The following ARHGAP33 variants were observed in gnomAD, a reference collection of about 807,000 sequenced individuals.
ARHGAP33 encodes the protein Rho GTPase activating protein 33, also known as rho GTPase-activating protein 33.
Under a neutral mutation model 126.2 loss-of-function variants are expected in ARHGAP33, and 57 were observed. That is an observed-to-expected ratio of 0.45 (90% CI 0.36 to 0.56). The LOEUF is 0.56. Among genes scored for constraint, ARHGAP33 ranks in the 20% least tolerant of loss-of-function variants. The pLI is 0.00. For synonymous variants in ARHGAP33, 711 were observed against 755.0 expected (o/e 0.94, Z 0.95); for missense variants, 1,500 against 1,748.3 (o/e 0.86, Z 2.53).
intron 15 of ARHGAP33, among the ~76,000 whole-genome samples, chr19:35,783,744 G>T (rs576177218): frequency 6.6e-6 from 1 of 152,242 alleles, no homozygotes; most frequent in South Asian, 2.1e-4. Flanking sequence ...TGCAGCCAGG[G>T]CAGGGCTCTG....
chr19:35,778,216 G>A (rs530975098), intron 3 of ARHGAP33, 64 bp from the exon 4 acceptor site: 22 of 1,561,704 alleles, frequency 1.4e-5, no homozygotes, highest in Non-Finnish European at 1.6e-5. Flanking sequence ...TCCCTAGATA[G>A]TGCCATCCCC....
In ARHGAP33 at chr19:35,786,938, C is replaced by A. The variant is rs1425922728; in HGVS notation, c.2468C>A (p.Thr823Lys). Residue 823 changes from threonine (T) to lysine (K), a missense_variant, in exon 20 of 21, where the codon ACA becomes AAA. By Grantham distance (78) the Thr-to-Lys change is moderately conservative. Around this residue, in one of 6 missense-constraint regions of ARHGAP33, gnomAD observed 642 missense variants for 634.0 expected, o/e 1.01. Coordinates refer to ENST00000007510, the MANE Select transcript of ARHGAP33 (RefSeq NM_001366178.1). This position sits in a 1 kb window ranked among gnomAD's most constrained non-coding sequence, Gnocchi z 7.0. ...GGAGCACCTGCCTCAGCCACCCCAA[C>A]ACCAGCTCTCAGCCCCGGCCGGAGC... ...AGGAPASATP[T>K]PALSPGRSLR... 6.2e-7 allele frequency: 1 copy of A among 1,610,980 alleles called. No individual in the cohort carries two copies. The highest frequency in any genetic ancestry group is 1.7e-5 in the Admixed American group (1 of 59,952).
Position 35,778,527 on chromosome 19 carries a change from C to T in ARHGAP33, c.334C>T (p.Arg112Trp), listed in dbSNP as rs1198375029. 7.4e-6 allele frequency: 12 copies of T among 1,614,204 alleles called. No individual in the cohort carries two copies. Among genetic ancestry groups the T allele is most frequent in the Non-Finnish European group, 1.0e-5 (12 of 1,180,038 alleles). ...TCGTTCCCTGGATGCCCACCTCCACCGGTGCATATTTGACCGGAGGTTCTC... is the reference window on the plus strand; with the variant it reads ...TCGTTCCCTGGATGCCCACCTCCACTGGTGCATATTTGACCGGAGGTTCTC... ...DFRSLDAHLH[R>W]CIFDRRFSCL... Residue 112 changes from arginine to tryptophan, a missense_variant, in exon 5 of 21, where the codon CGG becomes TGG. By Grantham distance (101) the Arg-to-Trp change is moderately radical. Coordinates refer to ENST00000007510, the MANE Select transcript of ARHGAP33 (RefSeq NM_001366178.1).
chr19:35,781,817 G>A (rs891646462), intron 12 of ARHGAP33, among the ~76,000 whole-genome samples: 2 of 152,188 alleles, frequency 1.3e-5, no homozygotes, highest in Non-Finnish European at 2.9e-5. Context: ...TTTACTATAA[G>A]TGAAGGGGGA....
At position 35,780,166 on chromosome 19, in the gene ARHGAP33, C is replaced by T. The variant is rs1775150392; in HGVS notation, c.502-45C>T. 1.9e-6 allele frequency: 3 copies of T among 1,604,192 alleles called. No homozygotes were observed. The African/African-American group carries it at 4.0e-5, about 21-fold the overall frequency. On this transcript the variant is annotated intron_variant, in intron 6 of 20. Coordinates refer to ENST00000007510, the MANE Select transcript of ARHGAP33 (RefSeq NM_001366178.1). ...GAGGAGCTTGGTATGCCTGCACTAA[C>T]ACCGTCTTCTGACCTGTCCTTGCCA...
At position 35,784,162 on chromosome 19, in the gene ARHGAP33, T is replaced by G. The variant is rs1410316168; in HGVS notation, c.1422-10T>G. ...AGGCACCCAGCCTCCCTCCCGCTCC[T>G]CCCACCCAGGTCCATGGAGCTGGAG... On this transcript the variant is annotated splice_polypyrimidine_tract_variant and intron_variant, in intron 15 of 20. Coordinates refer to ENST00000007510, the MANE Select transcript of ARHGAP33 (RefSeq NM_001366178.1). 3.1e-6 allele frequency: 5 copies of G among 1,606,670 alleles called. No individual in the cohort carries two copies. Among genetic ancestry groups the G allele is most frequent in the Non-Finnish European group, 4.3e-6 (5 of 1,175,680 alleles).
At chr19:35,775,923 C>A (rs1971430940) in intron 1 of ARHGAP33, among the ~76,000 whole-genome samples, 1 of 151,862 alleles carries the variant, frequency 6.6e-6, no homozygotes, top group Non-Finnish European at 1.5e-5. Flanking sequence ...CGGGGCTAGT[C>A]CAGGAAGGGA....
At position 35,784,569 on chromosome 19, in the gene ARHGAP33, T is replaced by C. The variant is rs1971991980; in HGVS notation, c.1567+252T>C. 25 of 1,311,354 alleles carry C rather than the reference T, an allele frequency of 1.9e-5. 1 individual carries two copies. Among genetic ancestry groups the C allele is most frequent in the Non-Finnish European group, 2.2e-5 (23 of 1,035,578 alleles). 81.2% of individuals were successfully genotyped at this position (1,311,354 alleles called of 1,614,324 possible). On this transcript the variant is annotated intron_variant, in intron 16 of 20. Transcript: ENST00000007510. ...CACCCCTTGTAGCTCCTGGGGGCGCTTGGGGCCATGGGTCCACCTGGGAGG... is the reference window on the plus strand; with the variant it reads ...CACCCCTTGTAGCTCCTGGGGGCGCCTGGGGCCATGGGTCCACCTGGGAGG...
chr19:35,786,883 C>T lies in ARHGAP33; in HGVS notation c.2413C>T (p.Pro805Ser), dbSNP rs1442001836. The change falls in exon 20 of 21, where the codon CCC becomes TCC. Residue 805 changes from proline to serine, a missense_variant. Around this residue, in one of 6 missense-constraint regions of ARHGAP33, gnomAD observed 73 missense variants for 110.8 expected, o/e 0.66. Transcript: ENST00000007510. The surrounding 1 kb of genome is among the most constrained non-coding windows in gnomAD (Gnocchi z 7.0). ...ISEPLAVSVP[P>S]AVLELLGAGG... is the part of the protein sequence containing the mutation. ...AGAGCCCCTGGCTGTATCAGTGCCA[C>T]CCGCTGTCCTAGAACTGCTGGGGGC... The T allele has an allele frequency of 6.2e-7, 1 of 1,607,926 alleles. No individual in the cohort carries two copies. Among genetic ancestry groups the T allele is most frequent in the Admixed American group, 1.7e-5 (1 of 59,778 alleles).
rs1332083468 is a variant in ARHGAP33 at position 35,782,711 on chromosome 19, G to A, written c.1313+32G>A. On this transcript the variant is annotated intron_variant, in intron 14 of 20. Transcript: ENST00000007510. The surrounding 1 kb of genome is among the most constrained non-coding windows in gnomAD (Gnocchi z 4.1). ...CAGGAGGGGCAGGGCGGGACTTGGT[G>A]GGATTCCAAGGGGGTTGAGGCTCAG... 3 of 1,610,124 alleles carry A rather than the reference G, an allele frequency of 1.9e-6. No individual in the cohort carries two copies. The highest frequency in any genetic ancestry group is 1.7e-5 in the Admixed American group (1 of 59,506).
rs899359175 is a variant in ARHGAP33 at position 35,780,438 on chromosome 19, G to C, written c.642G>C (p.Ser214=). Residue 214 remains serine (S), a synonymous_variant, in exon 8 of 21, where the codon TCG becomes TCC. Coordinates refer to ENST00000007510, the MANE Select transcript of ARHGAP33 (RefSeq NM_001366178.1). ...ELSFEVGDIV[S]VIDMPPTEDR... ...TCTCCCAGGTGGGAGACATTGTCTC[G>C]GTGATCGACATGCCACCCACAGAGG... The C allele has an allele frequency of 5.0e-6, 8 of 1,596,566 alleles. No homozygotes were observed. Among genetic ancestry groups the C allele is most frequent in the Admixed American group, 1.7e-5 (1 of 58,720 alleles).
At chr19:35,784,519 C>A in intron 16 of ARHGAP33, 1 of 1,318,976 alleles carries the variant, frequency 7.6e-7, no homozygotes, top group Non-Finnish European at 9.6e-7. Flanking sequence ...ATTCCCACCT[C>A]TTGGCCCGGA....
chr19:35,781,392 T>C, intron 12 of ARHGAP33, 140 bp downstream of exon 12: 1 of 817,072 alleles, frequency 1.2e-6, no homozygotes, highest in South Asian at 1.6e-5. Context: ...ACAGCTCTCT[T>C]GAGAGTAGAG....
At chr19:35,776,384 A>C (rs191012507) in intron 1 of ARHGAP33, among the ~76,000 whole-genome samples, 1 of 151,494 alleles carries the variant, frequency 6.6e-6, no homozygotes, top group East Asian at 2.0e-4. Flanking sequence ...GCAGACATTC[A>C]CTGAGACCGC....
At chr19:35,776,040 C>G (rs867677759) in intron 1 of ARHGAP33, among the ~76,000 whole-genome samples, 4 of 151,678 alleles carry the variant, frequency 2.6e-5, no homozygotes, top group African/African-American at 9.7e-5. Context: ...GCCCTCAGCC[C>G]TCCCCGGCGG....
At chr19:35,785,766 A>G in intron 19 of ARHGAP33, 8 of 1,264,956 alleles carry the variant, frequency 6.3e-6, no homozygotes, top group Non-Finnish European at 8.0e-6. Context: ...CCATGAACCC[A>G]GCAGCCAGAA....
intron 16 of ARHGAP33, chr19:35,784,744 G>A (rs1440816730): frequency 2.4e-5 from 32 of 1,339,950 alleles, no homozygotes; most frequent in Admixed American, 3.8e-5. Context: ...GCTGGCTGCC[G>A]GGAGCTGCCT....
In ARHGAP33 at chr19:35,785,476, C is replaced by G; in HGVS notation, c.1935C>G (p.Ser645Arg). Residue 645 changes from serine (S) to arginine (R), a missense_variant, in exon 19 of 21, where the codon AGC (serine) becomes AGG (arginine). Physicochemically the swap from Ser to Arg is moderately radical, Grantham distance 110. This residue lies in a region of ARHGAP33 where 300 missense variants were observed against 291.1 expected (regional missense o/e 1.03). Coordinates refer to ENST00000007510, the MANE Select transcript of ARHGAP33 (RefSeq NM_001366178.1). The part of the protein sequence containing the change: ...KSEESLSSQA[S>R]GAGLQRLHRL... Reference sequence around the variant, plus strand: ...AGGAGTCTCTGTCATCGCAGGCCAGCGGGGCTGGTGAGCAAGGCGGGCAAT... The same window carrying G: ...AGGAGTCTCTGTCATCGCAGGCCAGGGGGGCTGGTGAGCAAGGCGGGCAAT... 2 of 1,614,160 alleles carry G rather than the reference C, an allele frequency of 1.2e-6. No homozygotes were observed. The highest frequency in any genetic ancestry group is 1.7e-6 in the Non-Finnish European group (2 of 1,180,004).
chr19:35,786,058 T>A lies in ARHGAP33; in HGVS notation c.1943-355T>A. ...TCCGACCTCTGCGGGGGGCTGCTTA[T>A]CCACCCCACCCAGCCGTGCCTCTGG... On this transcript the variant is annotated intron_variant, in intron 19 of 20. Transcript: ENST00000007510. The surrounding 1 kb of genome is among the most constrained non-coding windows in gnomAD (Gnocchi z 7.0). 8.6e-7 allele frequency: 1 copy of A among 1,168,860 alleles called. No individual in the cohort carries two copies. Among genetic ancestry groups the A allele is most frequent in the African/African-American group, 1.6e-5 (1 of 63,102 alleles). The allele number at this position is 1,168,860 out of a possible 1,614,324, so 72.4% of individuals were successfully genotyped here. A position where few individuals can be genotyped will look rare whatever the true frequency, so the allele number is the denominator to read the frequency against.
Sources: allele counts gnomAD v4.1 joint callset (sites outside exome capture counted in the v4.1 genomes callset), GRCh38; gene constraint gnomAD v4.1.1; regional missense constraint gnomAD v4.1.1; non-coding constraint Gnocchi (gnomAD v3.1); transcripts MANE v1.5; gene names NCBI Gene and HGNC (gene_info 2026-07-23, HGNC 2026-07-21).